IPO5: variants seen among roughly 807,000 people sequenced by gnomAD.
The protein encoded by IPO5 is importin 5.
Under a neutral mutation model 143.3 loss-of-function variants are expected in IPO5, and 18 were observed. That is an observed-to-expected ratio of 0.13 (90% CI 0.09 to 0.19). The LOEUF is 0.19. IPO5 is among the 10% of genes least tolerant of loss of function. The pLI, the probability that IPO5 is intolerant of heterozygous loss-of-function variation, is 1.00. For missense variants in IPO5, 1,013 were observed against 1,336.9 expected (o/e 0.76, Z 3.78); for synonymous variants, 477 against 465.7 (o/e 1.02, Z -0.31).
intron 9 of IPO5, 148 bp from the exon 10 acceptor site, chr13:97,992,744 G>A: frequency 1.3e-6 from 1 of 766,576 alleles, no homozygotes; most frequent in Non-Finnish European, 2.1e-6. Context: ...CCTGCAGGTA[G>A]AACATTTGCA....
At chr13:97,959,673 G>T (rs1884715794) in intron 2 of IPO5, among the ~76,000 whole-genome samples, 1 of 152,122 alleles carries the variant, frequency 6.6e-6, no homozygotes, top group Non-Finnish European at 1.5e-5. Flanking sequence ...GGCGTAGGTT[G>T]CAGTGAGCCT....
At chr13:98,020,861 C>A in intron 27 of IPO5, 131 bp from the exon 28 acceptor site, 1 of 640,564 alleles carries the variant, frequency 1.6e-6, no homozygotes, top group East Asian at 3.2e-5. Flanking sequence ...TAGAAAGAAA[C>A]TAAAGAGTTC....
chr13:98,016,299 C>A (rs1890118725), intron 24 of IPO5, among the ~76,000 whole-genome samples: 1 of 152,144 alleles, frequency 6.6e-6, no homozygotes, highest in South Asian at 2.1e-4. Flanking sequence ...CCTGAAGGTG[C>A]CCACATGCTT....
chr13:98,001,002 C>A, intron 13 of IPO5: 1 of 228,546 alleles, frequency 4.4e-6, no homozygotes, highest in Non-Finnish European at 8.7e-6. Flanking sequence ...CTGTTTTTGC[C>A]CCTGACGGAG....
chr13:97,969,594 C>T, intron 2 of IPO5, 129 bp from the exon 3 acceptor site: 3 of 597,256 alleles, frequency 5.0e-6, no homozygotes, highest in South Asian at 4.1e-5. Flanking sequence ...TTATTTTCTC[C>T]AACTCTTAAC....
intron 5 of IPO5, 118 bp from the exon 6 acceptor site, chr13:97,985,303 A>G (rs1318782797): frequency 5.4e-6 from 4 of 745,724 alleles, no homozygotes; most frequent in Admixed American, 2.8e-5. Context: ...ATGTAATTAG[A>G]AAGAGTTATA....
At chr13:97,962,431 T>C (rs1270615328) in intron 2 of IPO5, among the ~76,000 whole-genome samples, 2 of 152,224 alleles carry the variant, frequency 1.3e-5, no homozygotes, top group Non-Finnish European at 2.9e-5. Flanking sequence ...TTCTAACGCA[T>C]GTGGATATCA....
At chr13:97,976,246 C>T (rs1481053799) in intron 3 of IPO5, among the ~76,000 whole-genome samples, 1 of 151,530 alleles carries the variant, frequency 6.6e-6, no homozygotes, top group Admixed American at 6.6e-5. Flanking sequence ...CTCCCGCTGT[C>T]CCCGCGACGC....
At chr13:97,975,891 C>A in intron 3 of IPO5, 2 of 985,180 alleles carry the variant, frequency 2.0e-6, no homozygotes, top group Non-Finnish European at 2.4e-6. Context: ...TCCGGGCAAG[C>A]CCCAGGCGTG....
intron 3 of IPO5, among the ~76,000 whole-genome samples, chr13:97,972,894 C>T (rs561958374): frequency 6.6e-6 from 1 of 152,176 alleles, no homozygotes; most frequent in South Asian, 2.1e-4. Flanking sequence ...GGTTACACAG[C>T]TAGTAAGAGA....
Position 97,969,803 on chromosome 13 carries a change from A to T in IPO5, c.-32A>T. ...CAAATGCCTGAGGATCAAGTTGGAA[A>T]ACTAGAAGCAACAGAAAACACAATA... On this transcript the variant is annotated 5_prime_UTR_variant, in exon 3 of 29. Transcript: ENST00000651721. 6.2e-7 allele frequency: 1 copy of T among 1,612,808 alleles called. No individual in the cohort carries two copies. The highest frequency in any genetic ancestry group is 8.5e-7 in the Non-Finnish European group (1 of 1,179,120).
At chr13:97,998,894 G>C (rs1470052477) in intron 12 of IPO5, among the ~76,000 whole-genome samples, 1 of 152,136 alleles carries the variant, frequency 6.6e-6, no homozygotes, top group Non-Finnish European at 1.5e-5. Flanking sequence ...TGTAATCCCA[G>C]CACTTTGGTG....
chr13:97,969,967 G>A, intron 3 of IPO5, 137 bp downstream of exon 3: 1 of 656,088 alleles, frequency 1.5e-6, no homozygotes, highest in Admixed American at 2.9e-5. Context: ...CCAAAGTGCT[G>A]GGATTACAGG....
In IPO5 at chr13:97,991,243, C is replaced by G. The variant is rs148256458; in HGVS notation, c.669+706C>G. Among the ~76,000 whole-genome samples the G allele has an allele frequency of 4.4e-3, 662 of 150,012 alleles. 1 individual carries two copies. The highest frequency in any genetic ancestry group is 0.016 in the African/African-American group (631 of 39,812). ...AGAATATTAATATATGGCCTTAATA[C>G]AAAAAAGAAATGCAAAGAAACGTAT... On this transcript the variant is annotated intron_variant, in intron 9 of 28. Coordinates refer to ENST00000651721, the MANE Select transcript of IPO5 (RefSeq NM_002271.6).
chr13:98,016,684 A>T (rs1280657520), intron 24 of IPO5, 45 bp from the exon 25 acceptor site: 1 of 1,037,962 alleles, frequency 9.6e-7, no homozygotes, highest in Non-Finnish European at 1.3e-6. Flanking sequence ...AATAGAAAAT[A>T]TACTTTTTAA....
intron 4 of IPO5, among the ~76,000 whole-genome samples, chr13:97,977,829 G>A (rs1397890001): frequency 1.3e-5 from 2 of 152,150 alleles, no homozygotes; most frequent in African/African-American, 4.8e-5. Context: ...GCAACCATGC[G>A]ATTGTAGAGT....
intron 13 of IPO5, 64 bp from the exon 14 acceptor site, chr13:98,002,403 C>T (rs1410889378): frequency 2.0e-6 from 3 of 1,494,326 alleles, no homozygotes; most frequent in African/African-American, 2.8e-5. Flanking sequence ...TATACATCTC[C>T]CTCTACCAGA....
At chr13:97,979,440 CTCTT>C (rs1886664578) in intron 4 of IPO5, among the ~76,000 whole-genome samples, 1 of 152,102 alleles carries the variant, frequency 6.6e-6, no homozygotes, top group African/African-American at 2.4e-5. Context: ...AAGGATATTT[CTCTT>C]TAACTTTATA....
At position 97,982,544 on chromosome 13, in the gene IPO5, C is replaced by T. The variant is rs747064298; in HGVS notation, c.132C>T (p.Phe44=). Residue 44 remains phenylalanine (F), a synonymous_variant, in exon 5 of 29, where the codon TTC becomes TTT. Transcript: ENST00000651721. ...TCCCAGGCCAGTCAAAGATCACATT[C>T]CTCTTACAAGCCATCAGAAATACAA... ...ENIPGQSKIT[F]LLQAIRNTTA... 25 of 1,612,716 alleles carry T rather than the reference C, an allele frequency of 1.6e-5. No individual in the cohort carries two copies. Among genetic ancestry groups the T allele is most frequent in the Middle Eastern group, 1.6e-4 (1 of 6,072 alleles).
Sources: gnomAD v4.1 joint callset for allele counts (sites outside exome capture counted in the v4.1 genomes callset) on GRCh38, gnomAD v4.1.1 for gene constraint, MANE v1.5 for transcripts, NCBI Gene and HGNC (gene_info 2026-07-23, HGNC 2026-07-21) for gene names.